Variants in AGAP1 observed in about 807,000 individuals in gnomAD.
The protein encoded by AGAP1 is arf-GAP with GTPase, ANK repeat and PH domain-containing protein 1.
A neutral mutation model predicts 105.3 loss-of-function variants in AGAP1; 29 were observed. The ratio of observed to expected loss-of-function variants is 0.28; its 90% confidence interval spans 0.21 to 0.38. AGAP1 has a LOEUF of 0.38. Ranked by LOEUF, AGAP1 falls within the 10% of genes least tolerant of loss-of-function variation. The pLI is 1.00. For synonymous variants in AGAP1, 509 were observed against 485.9 expected, an observed-to-expected ratio of 1.05 and a Z score of -0.63; for missense variants, 998 against 1,165.1, an observed-to-expected ratio of 0.86 and a Z score of 2.09.
rs2058236390 is a variant in AGAP1, at chr2:236,062,715, G to T, written c.2114+13434G>T. 6.6e-6 allele frequency among the ~76,000 whole-genome samples: 1 copy of T among 152,162 alleles called. No homozygotes were observed. The highest frequency in any genetic ancestry group is 2.4e-5 in the African/African-American group (1 of 41,426). On this transcript the variant is annotated intron_variant, in intron 16 of 17. Transcript: ENST00000304032. The surrounding 1 kb of genome is among the most constrained non-coding windows in gnomAD (Gnocchi z 4.2). ...CTCACTCTGTCACCCAGGCTGGAGTGCAGTGGAGCAATCTTGGCTCACTGC... is the reference window on the plus strand; with the variant it reads ...CTCACTCTGTCACCCAGGCTGGAGTTCAGTGGAGCAATCTTGGCTCACTGC...
intron 1 of AGAP1, among the ~76,000 whole-genome samples, chr2:235,509,390 A>G (rs558315904): frequency 9.9e-5 from 15 of 152,028 alleles, no homozygotes; most frequent in African/African-American, 2.9e-4. Context: ...ATCCACAACC[A>G]CGCCCGGCTA....
At chr2:235,759,102 G>A (rs1954181936) in intron 6 of AGAP1, among the ~76,000 whole-genome samples, 1 of 150,490 alleles carries the variant, frequency 6.6e-6, no homozygotes, top group Admixed American at 6.6e-5. Flanking sequence ...TCATATAAGG[G>A]GGTTTGATGC....
At chr2:235,634,926 C>A (rs1368418836) in intron 1 of AGAP1, among the ~76,000 whole-genome samples, 1 of 152,092 alleles carries the variant, frequency 6.6e-6, no homozygotes, top group East Asian at 1.9e-4. Flanking sequence ...GTGGATGGAG[C>A]AGACAGTGCC....
At chr2:235,619,232 G>A (rs1235085318) in intron 1 of AGAP1, among the ~76,000 whole-genome samples, 1 of 152,222 alleles carries the variant, frequency 6.6e-6, no homozygotes, top group Non-Finnish European at 1.5e-5. Context: ...AACTCACGCA[G>A]TAAGGACAGG....
rs1420950987 is a variant in AGAP1 at position 235,609,199 on chromosome 2, TC to T, written c.164-99979del. 6.6e-6 allele frequency among the ~76,000 whole-genome samples: 1 copy of T among 152,152 alleles called. No individual in the cohort carries two copies. Among genetic ancestry groups the T allele is most frequent in the African/African-American group, 2.4e-5 (1 of 41,444 alleles). On this transcript the variant is annotated intron_variant, in intron 1 of 17. Coordinates refer to ENST00000304032, the MANE Select transcript of AGAP1 (RefSeq NM_001037131.3). The surrounding 1 kb of genome is among the most constrained non-coding windows in gnomAD (Gnocchi z 5.1). ...TGACCAGGTCCTAGTGAGGCAGCTT[TC>T]TGAGCACTTTTTCTTGATCACTGAT...
At chr2:235,986,537 C>G (rs1325079434) in intron 13 of AGAP1, among the ~76,000 whole-genome samples, 1 of 152,110 alleles carries the variant, frequency 6.6e-6, no homozygotes, top group Non-Finnish European at 1.5e-5. Flanking sequence ...AGAGAGCATC[C>G]TTGTCTTGTA....
chr2:235,825,728 A>G (rs1024777867), intron 9 of AGAP1, among the ~76,000 whole-genome samples: 4 of 152,248 alleles, frequency 2.6e-5, no homozygotes, highest in Non-Finnish European at 5.9e-5. Flanking sequence ...ACAATAAAAA[A>G]TAGTGTTTAA....
chr2:236,102,417 C>CAAA (rs34989933), intron 16 of AGAP1, among the ~76,000 whole-genome samples: 671 of 66,190 alleles, frequency 0.01, 15 homozygotes, highest in Non-Finnish European at 0.012. Flanking sequence ...GACTCCATCT[C>CAAA]AAAAAAAAAA....
intron 13 of AGAP1, among the ~76,000 whole-genome samples, chr2:235,995,016 G>A (rs568726604): frequency 9.4e-5 from 7 of 74,122 alleles, no homozygotes; most frequent in South Asian, 6.6e-4. Flanking sequence ...GCAGTGAGCC[G>A]AGATCGCGCC....
At chr2:235,917,053 T>C (rs2051920300) in intron 11 of AGAP1, among the ~76,000 whole-genome samples, 1 of 152,186 alleles carries the variant, frequency 6.6e-6, no homozygotes, top group Non-Finnish European at 1.5e-5. Context: ...GATACCTTCT[T>C]GTCTCTAAAG....
At chr2:235,512,060 C>T (rs532328033) in intron 1 of AGAP1, among the ~76,000 whole-genome samples, 69 of 135,762 alleles carry the variant, frequency 5.1e-4, no homozygotes, top group Non-Finnish European at 7.2e-4. Context: ...TGTGTGAATG[C>T]GTATGTGTGA....
rs556405637 is a variant in AGAP1 at position 235,720,601 on chromosome 2, G to A, written c.310+2957G>A. The A allele has an allele frequency of 1.1e-6, 1 of 920,834 alleles. No individual in the cohort carries two copies. Among genetic ancestry groups the A allele is most frequent in the East Asian group, 1.2e-4 (1 of 8,490 alleles). 57.0% of individuals were successfully genotyped at this position (920,834 alleles called of 1,614,324 possible). A position where few individuals can be genotyped will look rare whatever the true frequency, so the allele number is the denominator to read the frequency against. ...TACAACTGCTAGAGCGATCAACTGG[G>A]CAGCTACTTTGAATGAAAGGCATTT... On this transcript the variant is annotated intron_variant, in intron 3 of 17. Coordinates refer to ENST00000304032, the MANE Select transcript of AGAP1 (RefSeq NM_001037131.3). This position sits in a 1 kb window ranked among gnomAD's most constrained non-coding sequence, Gnocchi z 5.0.
Position 235,961,632 on chromosome 2 carries a change from G to A in AGAP1, c.1484-6830G>A, listed in dbSNP as rs1237424673. 5.3e-5 allele frequency among the ~76,000 whole-genome samples: 8 copies of A among 152,184 alleles called. No homozygotes were observed. Among genetic ancestry groups the A allele is most frequent in the African/African-American group, 9.7e-5 (4 of 41,442 alleles). ...GTTAAAAATGTGAGATGACAGGGCC[G>A]GGCGTGGTGGCTCATGCCTATAATC... On this transcript the variant is annotated intron_variant, in intron 12 of 17. Transcript: ENST00000304032. The surrounding 1 kb of genome is among the most constrained non-coding windows in gnomAD (Gnocchi z 5.9).
Position 235,750,458 on chromosome 2 carries a change from G to A in AGAP1, c.643G>A (p.Gly215Arg). The A allele has an allele frequency of 6.2e-7, 1 of 1,614,210 alleles. No homozygotes were observed. The highest frequency in any genetic ancestry group is 8.5e-7 in the Non-Finnish European group (1 of 1,180,032). Reference sequence around the variant, plus strand: ...GTACTACGAGACGTGTGCTACATACGGGCTGAATGTGGAGAGGGTCTTCCA... The same window carrying A: ...GTACTACGAGACGTGTGCTACATACAGGCTGAATGTGGAGAGGGTCTTCCA... Reference protein sequence around the residue: ...CTYYETCATYGLNVERVFQDV... With the variant: ...CTYYETCATYRLNVERVFQDV... Residue 215 changes from glycine to arginine, a missense_variant, in exon 6 of 18, where the codon GGG becomes AGG. Physicochemically the swap from Gly to Arg is moderately radical, Grantham distance 125. Coordinates refer to ENST00000304032, the MANE Select transcript of AGAP1 (RefSeq NM_001037131.3). The surrounding 1 kb of genome is among the most constrained non-coding windows in gnomAD (Gnocchi z 5.3).
At position 236,073,217 on chromosome 2, in the gene AGAP1, G is replaced by A. The variant is rs1412118773; in HGVS notation, c.2114+23936G>A. On this transcript the variant is annotated intron_variant, in intron 16 of 17. Coordinates refer to ENST00000304032, the MANE Select transcript of AGAP1 (RefSeq NM_001037131.3). This position sits in a 1 kb window ranked among gnomAD's most constrained non-coding sequence, Gnocchi z 5.4. Reference sequence around the variant, plus strand: ...TCTCCATATTGGCCAGGCTGGTCTCGAACTCCTGACCTCGTGAACCACCCG... The same window carrying A: ...TCTCCATATTGGCCAGGCTGGTCTCAAACTCCTGACCTCGTGAACCACCCG... Among the ~76,000 whole-genome samples, 3 of 151,666 alleles carry A rather than the reference G, an allele frequency of 2.0e-5. No individual in the cohort carries two copies. The highest frequency in any genetic ancestry group is 6.6e-5 in the Admixed American group (1 of 15,230).
intron 9 of AGAP1, among the ~76,000 whole-genome samples, chr2:235,837,010 A>T (rs905341835): frequency 1.3e-5 from 2 of 152,028 alleles, no homozygotes; most frequent in Non-Finnish European, 2.9e-5. Flanking sequence ...GTTGAGACGG[A>T]GTTTTGCTCT....
At position 235,623,174 on chromosome 2, in the gene AGAP1, C is replaced by T. The variant is rs1467189538; in HGVS notation, c.164-86005C>T. Among the ~76,000 whole-genome samples, 3 of 152,182 alleles carry T rather than the reference C, an allele frequency of 2.0e-5. No individual in the cohort carries two copies. The highest frequency in any genetic ancestry group is 6.5e-5 in the Admixed American group (1 of 15,282). The stretch of plus-strand genomic sequence containing the variant: ...AATCAATGGGCCTTTCCTTTCATTT[C>T]GAACTTTCAATACAGCTGCAGAAAC... On this transcript the variant is annotated intron_variant, in intron 1 of 17. Transcript: ENST00000304032. This position sits in a 1 kb window ranked among gnomAD's most constrained non-coding sequence, Gnocchi z 4.5.
In AGAP1 at chr2:235,875,128, G is replaced by A. The variant is rs957460806; in HGVS notation, c.1051-8217G>A. ...CCCCTCTCCCCCATCTGCCCTTGCT[G>A]CAAGGAGGAGGTCAGCCTTGTTTTA... On this transcript the variant is annotated intron_variant, in intron 9 of 17. Transcript: ENST00000304032. The surrounding 1 kb of genome is among the most constrained non-coding windows in gnomAD (Gnocchi z 4.0). 6.6e-6 allele frequency among the ~76,000 whole-genome samples: 1 copy of A among 152,176 alleles called. No individual in the cohort carries two copies. Among genetic ancestry groups the A allele is most frequent in the Non-Finnish European group, 1.5e-5 (1 of 68,030 alleles).
chr2:235,581,134 CAAAA>C (rs60330965), intron 1 of AGAP1, among the ~76,000 whole-genome samples: 3 of 88,284 alleles, frequency 3.4e-5, no homozygotes, highest in Non-Finnish European at 6.9e-5. Context: ...CCATCTCAAG[CAAAA>C]AAAAAAAAAA....
Sources: gnomAD v4.1 joint callset for allele counts (sites outside exome capture counted in the v4.1 genomes callset) on GRCh38, gnomAD v4.1.1 for gene constraint, Gnocchi (gnomAD v3.1) non-coding constraint, MANE v1.5 for transcripts, NCBI Gene and HGNC (gene_info 2026-07-23, HGNC 2026-07-21) for gene names.